Variants in VPS13B observed in about 807,000 individuals in gnomAD.
VPS13B encodes the protein vacuolar protein sorting 13 homolog B, also known as intermembrane lipid transfer protein VPS13B.
Under a neutral mutation model 426.4 loss-of-function variants are expected in VPS13B, and 285 were observed. The observed-to-expected ratio is 0.67, with a 90% CI of 0.61 to 0.74. The LOEUF (loss-of-function observed/expected upper bound fraction) is 0.74, where lower values mean the gene tolerates loss of function less well. Among genes scored for constraint, VPS13B ranks in the 30% least tolerant of loss-of-function variants. The probability of loss-of-function intolerance (pLI) is 0.00; values close to 1 mark genes in which losing one functional copy is unlikely to be tolerated. For synonymous variants in VPS13B, 1,676 were observed against 1,676.4 expected (o/e 1.00, Z 0.01); for missense variants, 4,537 against 4,782.6 (o/e 0.95, Z 1.51).
chr8:99,651,395 A>T (rs1588588352), intron 34 of VPS13B, among the ~76,000 whole-genome samples: 1 of 152,256 alleles, frequency 6.6e-6, no homozygotes, highest in Non-Finnish European at 1.5e-5. Flanking sequence ...TAAATTATCA[A>T]CTTGAATTTT....
intron 20 of VPS13B, among the ~76,000 whole-genome samples, chr8:99,385,090 A>G (rs1440349118): frequency 6.6e-6 from 1 of 152,210 alleles, no homozygotes; most frequent in Non-Finnish European, 1.5e-5. Context: ...AGGTTGGAAT[A>G]TGTGTTTGTT....
At chr8:99,429,647 A>C (rs551835471) in intron 21 of VPS13B, 8 of 152,266 alleles carry the variant, frequency 5.3e-5, no homozygotes, top group African/African-American at 1.9e-4. Context: ...CTAATCCATC[A>C]GTAAGTCTTA....
intron 26 of VPS13B, among the ~76,000 whole-genome samples, chr8:99,502,080 G>A (rs1415143702): frequency 1.3e-5 from 2 of 151,962 alleles, no homozygotes; most frequent in East Asian, 1.9e-4. Flanking sequence ...TTCCTTCTGG[G>A]TTCAAGTGAT....
At chr8:99,371,124 A>G (rs1437990408) in intron 19 of VPS13B, among the ~76,000 whole-genome samples, 2 of 152,206 alleles carry the variant, frequency 1.3e-5, no homozygotes, top group African/African-American at 2.4e-5. Context: ...GAATGTTATC[A>G]TTATCACATA....
chr8:99,842,986 C>T (rs187060353), intron 54 of VPS13B, among the ~76,000 whole-genome samples: 1 of 152,096 alleles, frequency 6.6e-6, no homozygotes, highest in African/African-American at 2.4e-5. Flanking sequence ...AATTCTGTTG[C>T]TATGAAAAAT....
chr8:99,085,833 G>A (rs925083343), intron 3 of VPS13B, among the ~76,000 whole-genome samples: 5 of 152,216 alleles, frequency 3.3e-5, no homozygotes, highest in African/African-American at 1.2e-4. Flanking sequence ...AGTCTGATGG[G>A]CTTCACTTTG....
At chr8:99,849,154 T>C (rs1025028416) in intron 55 of VPS13B, among the ~76,000 whole-genome samples, 1 of 152,238 alleles carries the variant, frequency 6.6e-6, no homozygotes, top group African/African-American at 2.4e-5. Context: ...CTTGGAATCA[T>C]ACCACTATTA....
chr8:99,456,160 T>C (rs1021142146), intron 23 of VPS13B, among the ~76,000 whole-genome samples: 1 of 152,152 alleles, frequency 6.6e-6, no homozygotes, highest in Non-Finnish European at 1.5e-5. Flanking sequence ...CCTAGTTTAC[T>C]GAGACCTTGA....
At chr8:99,074,064 A>G (rs999896648) in intron 3 of VPS13B, among the ~76,000 whole-genome samples, 1 of 152,096 alleles carries the variant, frequency 6.6e-6, no homozygotes, top group African/African-American at 2.4e-5. Flanking sequence ...CACCATGCCC[A>G]GCTGTCTTTA....
intron 23 of VPS13B, among the ~76,000 whole-genome samples, chr8:99,448,119 A>ATTTT (rs796858368): frequency 1.3e-3 from 161 of 125,698 alleles, no homozygotes; most frequent in Middle Eastern, 4.5e-3. Context: ...AGGTGGTTTT[A>ATTTT]TTTTTATTTA....
chr8:99,504,400 G>A (rs927973090), intron 27 of VPS13B, among the ~76,000 whole-genome samples: 2 of 152,150 alleles, frequency 1.3e-5, no homozygotes, highest in East Asian at 3.8e-4. Flanking sequence ...ACACACTGTA[G>A]CCTTACAGAA....
intron 19 of VPS13B, among the ~76,000 whole-genome samples, chr8:99,321,272 G>A (rs767567177): frequency 4.2e-5 from 6 of 142,858 alleles, no homozygotes; most frequent in East Asian, 2.0e-4. Flanking sequence ...GTGCAGTGGC[G>A]TGATTTCAGC....
chr8:99,181,296 T>C (rs1812934272), intron 16 of VPS13B, among the ~76,000 whole-genome samples: 1 of 152,118 alleles, frequency 6.6e-6, no homozygotes, highest in Non-Finnish European at 1.5e-5. Context: ...GGATACAGAG[T>C]TAGTCTATTA....
chr8:99,521,054 C>A (rs776031203), intron 30 of VPS13B, 44 bp downstream of exon 30: 3 of 1,478,070 alleles, frequency 2.0e-6, no homozygotes, highest in Admixed American at 3.4e-5. Flanking sequence ...AATTTTCATC[C>A]TGCAAACACA....
chr8:99,859,551 A>G (rs1160719703), intron 57 of VPS13B, 71 bp downstream of exon 57: 8 of 1,579,454 alleles, frequency 5.1e-6, no homozygotes, highest in Non-Finnish European at 6.9e-6. Context: ...AGAATGTGCT[A>G]AAGTTTTAAA....
At chr8:99,775,942 T>A (rs1811721275) in intron 40 of VPS13B, among the ~76,000 whole-genome samples, 1 of 152,086 alleles carries the variant, frequency 6.6e-6, no homozygotes, top group Admixed American at 6.6e-5. Flanking sequence ...AAAATAGTGT[T>A]AAGAGGATGG....
At chr8:99,135,787 T>G in intron 11 of VPS13B, 54 bp downstream of exon 11, 1 of 1,602,448 alleles carries the variant, frequency 6.2e-7, no homozygotes, top group Non-Finnish European at 8.5e-7. Flanking sequence ...GTGGACACAT[T>G]GTATGAATAC....
At chr8:99,171,088 A>AT (rs1283212147) in intron 16 of VPS13B, among the ~76,000 whole-genome samples, 1 of 151,808 alleles carries the variant, frequency 6.6e-6, no homozygotes, top group African/African-American at 2.4e-5. Flanking sequence ...GATACAGAAA[A>AT]TTTTTTTAAA....
intron 21 of VPS13B, among the ~76,000 whole-genome samples, chr8:99,413,209 G>A (rs1815794339): frequency 6.6e-6 from 1 of 151,912 alleles, no homozygotes; most frequent in Non-Finnish European, 1.5e-5. Context: ...TTGTTGGTAG[G>A]CTATTAATTA....
Sources: allele counts gnomAD v4.1 joint callset (sites outside exome capture counted in the v4.1 genomes callset), GRCh38; gene constraint gnomAD v4.1.1; transcripts MANE v1.5; gene names NCBI Gene and HGNC (gene_info 2026-07-23, HGNC 2026-07-21).